Variants in TPM2 observed in about 807,000 individuals in gnomAD.
The protein encoded by TPM2 is tropomyosin beta chain.
TPM2 carries 26 observed loss-of-function variants against 41.0 expected under a neutral mutation model. The observed-to-expected ratio is 0.63, with a 90% CI of 0.46 to 0.88. TPM2 has a LOEUF of 0.88. Among genes scored for constraint, TPM2 ranks in the 40% least tolerant of loss-of-function variants. TPM2 has a pLI of 0.00. For synonymous variants in TPM2, 143 were observed against 139.3 expected, an observed-to-expected ratio of 1.03 and a Z score of -0.19; for missense variants, 187 against 355.2, an observed-to-expected ratio of 0.53 and a Z score of 3.81.
intron 8 of TPM2, among the ~76,000 whole-genome samples, chr9:35,683,872 G>A (rs1459679435): frequency 2.0e-5 from 3 of 152,186 alleles, no homozygotes; most frequent in Admixed American, 6.5e-5. Flanking sequence ...ACTCGGGGAC[G>A]GAATTGTCTA....
rs1053874240 is a variant in TPM2, at chr9:35,688,565, G to T, written c.240+581C>A. On this transcript the variant is annotated intron_variant, in intron 2 of 8. Coordinates refer to ENST00000645482, the MANE Select transcript of TPM2 (RefSeq NM_003289.4). ...TGTGGCCCTGTCCCTCTGCCCTGTG[G>T]CCTGGCATGGTCTCCAGGCTGACAG... Among the ~76,000 whole-genome samples the T allele has an allele frequency of 2.6e-5, 4 of 152,190 alleles. No individual in the cohort carries two copies. The South Asian group carries it at 8.3e-4, about 31-fold the overall frequency.
At chr9:35,682,007 C>A, downstream of TPM2, 1 of 1,510,694 alleles carries the variant, frequency 6.6e-7, no homozygotes, top group African/African-American at 1.4e-5. Flanking sequence ...ATTAAAGGGC[C>A]TTGAGAGGCT....
downstream of TPM2, chr9:35,682,587 C>T: frequency 8.0e-7 from 1 of 1,254,514 alleles, no homozygotes; most frequent in South Asian, 1.4e-5. Context: ...CCATTCCAGA[C>T]CTTTTGCAAC....
downstream of TPM2, chr9:35,682,799 G>C: frequency 2.2e-6 from 3 of 1,359,328 alleles, no homozygotes; most frequent in South Asian, 3.7e-5. Flanking sequence ...TTTCAGCGTG[G>C]GCCATGGTGT....
In TPM2 at chr9:35,685,789, C is replaced by G. The variant is rs1444237716; in HGVS notation, c.241-9G>C. The stretch of plus-strand genomic sequence containing the variant: ...GCCACATCTGCCTCAGCCTGTGGGT[C>G]AGAGGTCAGGGGTCAAAAAGGCCTT... On this transcript the variant is annotated splice_polypyrimidine_tract_variant and intron_variant, in intron 2 of 8. Coordinates refer to ENST00000645482, the MANE Select transcript of TPM2 (RefSeq NM_003289.4). This position sits in a 1 kb window ranked among gnomAD's most constrained non-coding sequence, Gnocchi z 5.0. 6.2e-7 allele frequency: 1 copy of G among 1,613,916 alleles called. No homozygotes were observed. The highest frequency in any genetic ancestry group is 8.5e-7 in the Non-Finnish European group (1 of 1,180,044).
Position 35,683,667 on chromosome 9 carries a change from A to G in TPM2, c.773-426T>C, listed in dbSNP as rs555502112. Among the ~76,000 whole-genome samples, 577 of 152,378 alleles carry G rather than the reference A, an allele frequency of 3.8e-3. 1 individual carries two copies. Among genetic ancestry groups the G allele is most frequent in the Non-Finnish European group, 6.1e-3 (416 of 68,028 alleles). The stretch of plus-strand genomic sequence containing the variant: ...GTGAAAGGGTTATCACAGAATAAAA[A>G]GGAAAGGCAACTTTAGCCACATCAT... On this transcript the variant is annotated intron_variant, in intron 8 of 8. Coordinates refer to ENST00000645482, the MANE Select transcript of TPM2 (RefSeq NM_003289.4).
At chr9:35,682,583 CA>C (rs1824627909), downstream of TPM2, 1 of 1,253,896 alleles carries the variant, frequency 8.0e-7, no homozygotes, top group Non-Finnish European at 1.0e-6. Flanking sequence ...AGCTCCATTC[CA>C]GACCTTTTGC....
At chr9:35,682,494 A>C, downstream of TPM2, 1 of 1,280,820 alleles carries the variant, frequency 7.8e-7, no homozygotes. Context: ...AGGAAGGGCC[A>C]GACAGACAGA....
chr9:35,689,189 T>C lies in TPM2; in HGVS notation c.197A>G (p.Glu66Gly). The C allele has an allele frequency of 6.2e-7, 1 of 1,614,214 alleles. No homozygotes were observed. Among genetic ancestry groups the C allele is most frequent in the Non-Finnish European group, 8.5e-7 (1 of 1,180,028 alleles). ...EVEKYSESVK[E>G]AQEKLEQAEK... ...GGCCTGCTCCAGTTTCTCCTGGGCCTCCTTCACGGATTCAGAATACTTTTC... is the reference window on the plus strand; with the variant it reads ...GGCCTGCTCCAGTTTCTCCTGGGCCCCCTTCACGGATTCAGAATACTTTTC... The change falls in exon 2 of 9, where the codon GAG becomes GGG. Residue 66 changes from glutamate (E) to glycine (G), a missense_variant. Transcript: ENST00000645482.
rs559468844 is a variant in TPM2, at chr9:35,684,350, G to C, written c.703-35C>G. ...AAGGCAGGATGGGAGAAATGGCAAA[G>C]AATTAGGCCCTCCCACAGACTACTG... is the stretch of plus-strand genomic sequence containing the variant. On this transcript the variant is annotated intron_variant, in intron 7 of 8. Transcript: ENST00000645482. The C allele has an allele frequency of 1.9e-6, 3 of 1,613,204 alleles. No individual in the cohort carries two copies. The South Asian group carries it at 3.3e-5, about 18-fold the overall frequency.
At chr9:35,683,693 CATT>C (rs1339418475) in intron 8 of TPM2, among the ~76,000 whole-genome samples, 1 of 152,262 alleles carries the variant, frequency 6.6e-6, no homozygotes, top group Admixed American at 6.5e-5. Flanking sequence ...GCCACATCAT[CATT>C]AACAATAGAA....
rs781030673 is a variant in TPM2, at chr9:35,685,708, G to A, written c.313C>T (p.Arg105Cys). The stretch of plus-strand genomic sequence containing the variant: ...AGCTTCTGCAGGGCTGTAGCCAGGC[G>A]CTCCTGGGCCCGGTCCAGCTCCTCC... ...VEEELDRAQE[R>C]LATALQKLEE... Residue 105 changes from arginine to cysteine, a missense_variant, in exon 3 of 9, where the codon CGC becomes TGC. Arg to Cys is a radical substitution (Grantham distance 180). Coordinates refer to ENST00000645482, the MANE Select transcript of TPM2 (RefSeq NM_003289.4). The surrounding 1 kb of genome is among the most constrained non-coding windows in gnomAD (Gnocchi z 5.0). 2 of 1,614,120 alleles carry A rather than the reference G, an allele frequency of 1.2e-6. No individual in the cohort carries two copies. The highest frequency in any genetic ancestry group is 1.1e-5 in the South Asian group (1 of 91,076).
intron 1 of TPM2, 67 bp downstream of exon 1, chr9:35,689,637 C>T (rs868738877): frequency 2.9e-5 from 46 of 1,601,732 alleles, no homozygotes; most frequent in Non-Finnish European, 3.7e-5. Flanking sequence ...GGCTGGGGGA[C>T]CCATGGCAGC....
chr9:35,685,371 G>C lies in TPM2; in HGVS notation c.493-32C>G, dbSNP rs1338282412. The C allele has an allele frequency of 6.2e-7, 1 of 1,614,212 alleles. No individual in the cohort carries two copies. The highest frequency in any genetic ancestry group is 8.5e-7 in the Non-Finnish European group (1 of 1,180,040). The stretch of plus-strand genomic sequence containing the variant: ...GGAGTGAGAAAGAGAGGGTAGATCA[G>C]TGGAGAAGGACTGGGCATGTTGCAG... On this transcript the variant is annotated intron_variant, in intron 4 of 8. Transcript: ENST00000645482. The surrounding 1 kb of genome is among the most constrained non-coding windows in gnomAD (Gnocchi z 5.0).
Position 35,685,825 on chromosome 9 carries a change from G to C in TPM2, c.241-45C>G. On this transcript the variant is annotated intron_variant, in intron 2 of 8. Transcript: ENST00000645482. This position sits in a 1 kb window ranked among gnomAD's most constrained non-coding sequence, Gnocchi z 5.0. ...GGTCAAAAAGGCCTTGTTAGCCTTG[G>C]ATAAGGATCAGAGAGGCTCCAGAGG... 6.2e-7 allele frequency: 1 copy of C among 1,613,318 alleles called. No individual in the cohort carries two copies. The highest frequency in any genetic ancestry group is 8.5e-7 in the Non-Finnish European group (1 of 1,180,028).
chr9:35,686,636 C>CAAAAAA, intron 2 of TPM2, among the ~76,000 whole-genome samples: 1 of 104,408 alleles, frequency 9.6e-6, no homozygotes, highest in Non-Finnish European at 1.8e-5. Flanking sequence ...GATCCCATCT[C>CAAAAAA]AAAAAAAAAA....
chr9:35,689,906 G>A lies in TPM2; in HGVS notation c.-89C>T, dbSNP rs905215239. 5 of 1,603,984 alleles carry A rather than the reference G, an allele frequency of 3.1e-6. No homozygotes were observed. Among genetic ancestry groups the A allele is most frequent in the East Asian group, 2.2e-5 (1 of 44,662 alleles). ...CGGACTGGGTGCACCGGTGGCAGGCGAGGAGGACGGAGCGGGACTGGGACG... is the reference window on the plus strand; with the variant it reads ...CGGACTGGGTGCACCGGTGGCAGGCAAGGAGGACGGAGCGGGACTGGGACG... On this transcript the variant is annotated 5_prime_UTR_variant, in exon 1 of 9. Coordinates refer to ENST00000645482, the MANE Select transcript of TPM2 (RefSeq NM_003289.4).
chr9:35,689,007 G>T, intron 2 of TPM2, 139 bp downstream of exon 2: 1 of 1,018,756 alleles, frequency 9.8e-7, no homozygotes, highest in Non-Finnish European at 1.5e-6. Context: ...CCCTAGCCCT[G>T]GTTACTGAGA....
At chr9:35,682,365 A>G, downstream of TPM2, 1 of 977,232 alleles carries the variant, frequency 1.0e-6, no homozygotes, top group Non-Finnish European at 1.5e-6. Context: ...TGCCTCACTC[A>G]AGGCCTTGGG....
Sources: allele counts gnomAD v4.1 joint callset (sites outside exome capture counted in the v4.1 genomes callset), GRCh38; gene constraint gnomAD v4.1.1; non-coding constraint Gnocchi (gnomAD v3.1); transcripts MANE v1.5; gene names NCBI Gene and HGNC (gene_info 2026-07-23, HGNC 2026-07-21).